Variants in ZNF615 observed in about 807,000 individuals in gnomAD.
The protein encoded by ZNF615 is zinc finger protein 615.
Under a neutral mutation model 15.3 loss-of-function variants are expected in ZNF615, and 15 were observed. That is an observed-to-expected ratio of 0.98 (90% CI 0.66 to 1.51). ZNF615 has a LOEUF of 1.51. Ranked by LOEUF, ZNF615 falls within the 40% of genes most tolerant of loss-of-function variation. The probability of loss-of-function intolerance (pLI) is 0.00; values close to 1 mark genes in which losing one functional copy is unlikely to be tolerated. For synonymous variants in ZNF615, 268 were observed against 294.6 expected, an observed-to-expected ratio of 0.91 and a Z score of 0.92; for missense variants, 848 against 895.9, an observed-to-expected ratio of 0.95 and a Z score of 0.68.
At chr19:51,996,737 T>C (rs548673459) in intron 6 of ZNF615, among the ~76,000 whole-genome samples, 63 of 152,340 alleles carry the variant, frequency 4.1e-4, no homozygotes, top group African/African-American at 1.3e-3. Flanking sequence ...ATCCAACATG[T>C]AGAGTTTGGG....
At chr19:52,001,955 G>C (rs1482736696) in intron 4 of ZNF615, 47 bp from the exon 5 acceptor site, 1 of 1,606,518 alleles carries the variant, frequency 6.2e-7, no homozygotes. Context: ...AAACGGGGCT[G>C]GCAATATTGA....
Position 52,003,838 on chromosome 19 carries a change from C to G in ZNF615, c.-127G>C, listed in dbSNP as rs1348707491. On this transcript the variant is annotated 5_prime_UTR_variant, in exon 3 of 7. Transcript: ENST00000598071. ...AGGATGTCCCCAGAAATGATGACACCCAAGTCTTGGAAACTCCGCCTCCTT... is the reference window on the plus strand; with the variant it reads ...AGGATGTCCCCAGAAATGATGACACGCAAGTCTTGGAAACTCCGCCTCCTT... 1.4e-5 allele frequency: 21 copies of G among 1,523,514 alleles called. No individual in the cohort carries two copies. The Admixed American group carries it at 3.5e-4, about 25-fold the overall frequency. 94.4% of individuals were successfully genotyped at this position (1,523,514 alleles called of 1,614,324 possible). A position where few individuals can be genotyped will look rare whatever the true frequency, so the allele number is the denominator to read the frequency against.
rs1482136715 is a variant in ZNF615, at chr19:51,992,837, T to C, written c.*43A>G. 2 of 1,588,724 alleles carry C rather than the reference T, an allele frequency of 1.3e-6. No homozygotes were observed. Among genetic ancestry groups the C allele is most frequent in the Non-Finnish European group, 8.6e-7 (1 of 1,165,582 alleles). ...TCATGAAATTACTCTTCTTTGCAGA[T>C]ATCTTAAGGGCCTACATCTGGCAAG... On this transcript the variant is annotated 3_prime_UTR_variant, in exon 7 of 7. Coordinates refer to ENST00000598071, the MANE Select transcript of ZNF615 (RefSeq NM_001199324.2).
At chr19:52,007,232 C>G (rs1396175100) in intron 2 of ZNF615, 61 bp downstream of exon 2, 4 of 981,624 alleles carry the variant, frequency 4.1e-6, no homozygotes, top group Non-Finnish European at 5.6e-6. Flanking sequence ...ATAACATACA[C>G]GTCTAAAATT....
chr19:51,993,048 T>G lies in ZNF615; in HGVS notation c.2061A>C (p.Gly687=), dbSNP rs2086282086. 6.2e-7 allele frequency: 1 copy of G among 1,614,114 alleles called. No homozygotes were observed. The highest frequency in any genetic ancestry group is 2.2e-5 in the East Asian group (1 of 44,898). The change falls in exon 7 of 7, where the codon GGA becomes GGC. Residue 687 remains glycine (G), a synonymous_variant. Coordinates refer to ENST00000598071, the MANE Select transcript of ZNF615 (RefSeq NM_001199324.2). ...AGTCACTGCATTTGTACGGTTTCTC[T>G]CCTGTGTGAATTCTCTGATGTGTAA... ...DLITHQRIHT[G]EKPYKCSDCG...
chr19:51,995,016 C>T (rs775988080), intron 6 of ZNF615, among the ~76,000 whole-genome samples, 179 bp from the exon 7 acceptor site: 54 of 151,924 alleles, frequency 3.6e-4, no homozygotes, highest in Non-Finnish European at 6.5e-4. Context: ...GGACTGAGTC[C>T]GAAAAAGGAG....
In ZNF615 at chr19:52,001,537, G is replaced by A. The variant is rs926673896; in HGVS notation, c.238+276C>T. On this transcript the variant is annotated intron_variant, in intron 5 of 6. Coordinates refer to ENST00000598071, the MANE Select transcript of ZNF615 (RefSeq NM_001199324.2). Reference sequence around the variant, plus strand: ...GGAGGCTGAGGCAGGAGAATCCCTTGAACCCGGGAGGCGGAGGTTGCAGTG... The same window carrying A: ...GGAGGCTGAGGCAGGAGAATCCCTTAAACCCGGGAGGCGGAGGTTGCAGTG... 9.5e-4 allele frequency among the ~76,000 whole-genome samples: 143 copies of A among 150,084 alleles called. 1 individual carries two copies. The highest frequency in any genetic ancestry group is 3.2e-3 in the African/African-American group (131 of 40,836).
rs766639941 is a variant in ZNF615 at position 51,994,380 on chromosome 19, A to G, written c.729T>C (p.His243=). The part of the protein sequence containing the change: ...HQRVHTGEKP[H]VCSMCGKAFS... ...AAGCTTTCCCACACATACTGCATAC[A>G]TGAGGTTTTTCTCCAGTGTGAACTC... Residue 243 remains histidine, a synonymous_variant, in exon 7 of 7, where the codon CAT becomes CAC. Transcript: ENST00000598071. 1.2e-6 allele frequency: 2 copies of G among 1,614,166 alleles called. No individual in the cohort carries two copies. Among genetic ancestry groups the G allele is most frequent in the African/African-American group, 1.3e-5 (1 of 75,054 alleles).
Position 52,001,793 on chromosome 19 carries a change from T to C in ZNF615, c.238+20A>G. On this transcript the variant is annotated intron_variant, in intron 5 of 6. Coordinates refer to ENST00000598071, the MANE Select transcript of ZNF615 (RefSeq NM_001199324.2). ...AACATGGTGTCTGTGGCTGTCCACCTGGCTGCTCCTCTCACTCACCAGAAC... is the reference window on the plus strand; with the variant it reads ...AACATGGTGTCTGTGGCTGTCCACCCGGCTGCTCCTCTCACTCACCAGAAC... 1 of 1,609,110 alleles carries C rather than the reference T, an allele frequency of 6.2e-7. No homozygotes were observed. The highest frequency in any genetic ancestry group is 8.5e-7 in the Non-Finnish European group (1 of 1,175,454).
rs1397925129 is a variant in ZNF615, at chr19:52,001,916, T to G, written c.143-8A>C. 3 of 1,613,868 alleles carry G rather than the reference T, an allele frequency of 1.9e-6. No individual in the cohort carries two copies. The highest frequency in any genetic ancestry group is 1.3e-5 in the African/African-American group (1 of 74,904). On this transcript the variant is annotated splice_polypyrimidine_tract_variant and splice_region_variant and intron_variant, in intron 4 of 6. Coordinates refer to ENST00000598071, the MANE Select transcript of ZNF615 (RefSeq NM_001199324.2). The stretch of plus-strand genomic sequence containing the variant: ...GTTTGCTGGCTTGATACCCTGTTCA[T>G]GGGAAATGACAGAAGATTTAGACAA...
At chr19:52,007,167 G>A (rs73052066) in intron 2 of ZNF615, 126 bp downstream of exon 2, 55,395 of 514,876 alleles carry the variant, frequency 0.11, 3,935 homozygotes, top group South Asian at 0.24. Context: ...AATATAAAGC[G>A]AAAAAGATAA....
At chr19:51,996,033 G>A (rs1475287737) in intron 6 of ZNF615, among the ~76,000 whole-genome samples, 1 of 152,130 alleles carries the variant, frequency 6.6e-6, no homozygotes, top group African/African-American at 2.4e-5. Context: ...TTCACTAATA[G>A]GTTCAATGGG....
At chr19:51,996,395 A>AAAAAAAAAAC (rs2086433597) in intron 6 of ZNF615, among the ~76,000 whole-genome samples, 1 of 146,398 alleles carries the variant, frequency 6.8e-6, no homozygotes, top group African/African-American at 2.6e-5. Context: ...CAAAAAAAAA[A>AAAAAAAAAAC]AAAAAAAAAA....
At chr19:52,000,016 T>C (rs1343590605) in intron 6 of ZNF615, 6 of 216,142 alleles carry the variant, frequency 2.8e-5, no homozygotes, top group African/African-American at 1.4e-4. Flanking sequence ...CTGTGGTATA[T>C]ATACACCATG....
chr19:51,994,197 A>T lies in ZNF615; in HGVS notation c.912T>A (p.Cys304Ter). The T allele has an allele frequency of 1.2e-6, 2 of 1,614,004 alleles. No homozygotes were observed. The highest frequency in any genetic ancestry group is 1.7e-6 in the Non-Finnish European group (2 of 1,180,012). ...GACACTTCTTGATGAAGGCTTTCCC[A>T]CATTGGCTACATGTGTAAGGTTTCC... Reference protein sequence around the residue: ...MGGKPYTCSQCGKAFIKKCRL... With the variant: ...MGGKPYTCSQ The change falls in exon 7 of 7, where the codon TGT (cysteine) becomes TGA (stop). Residue 304 changes from cysteine to a stop codon, truncating the protein, a stop_gained. Transcript: ENST00000598071. LOFTEE classifies it low-confidence loss of function (END_TRUNC).
At chr19:51,997,864 G>C (rs557408756) in intron 6 of ZNF615, among the ~76,000 whole-genome samples, 20 of 152,328 alleles carry the variant, frequency 1.3e-4, no homozygotes, top group African/African-American at 4.3e-4. Context: ...CACATGTGTT[G>C]ACAAACACTG....
chr19:52,003,209 T>C (rs949388328), intron 3 of ZNF615, among the ~76,000 whole-genome samples: 5 of 152,198 alleles, frequency 3.3e-5, no homozygotes, highest in African/African-American at 1.2e-4. Context: ...CATATATATG[T>C]GTATGTTATT....
chr19:52,000,424 T>G (rs1206983557), intron 5 of ZNF615, 46 bp from the exon 6 acceptor site: 2 of 606,822 alleles, frequency 3.3e-6, no homozygotes. Context: ...AAAAATAAAA[T>G]TATATAAGGA....
At chr19:51,999,447 C>T (rs1360626968) in intron 6 of ZNF615, among the ~76,000 whole-genome samples, 1 of 152,154 alleles carries the variant, frequency 6.6e-6, no homozygotes, top group Non-Finnish European at 1.5e-5. Flanking sequence ...TCACACTTCC[C>T]AATTTCAAAA....
Sources: gnomAD v4.1 joint callset for allele counts (sites outside exome capture counted in the v4.1 genomes callset) on GRCh38, gnomAD v4.1.1 for gene constraint, MANE v1.5 for transcripts, NCBI Gene and HGNC (gene_info 2026-07-23, HGNC 2026-07-21) for gene names.